KCNIP4: variants seen among roughly 807,000 people sequenced by gnomAD.
KCNIP4 encodes the protein Kv channel-interacting protein 4.
In KCNIP4, 12 loss-of-function variants were observed where a neutral mutation model predicts 34.0. That is an observed-to-expected ratio of 0.35 (90% CI 0.23 to 0.57). KCNIP4 has a LOEUF of 0.57. KCNIP4 is among the 20% of genes least tolerant of loss of function. KCNIP4 has a pLI of 0.83. For synonymous variants in KCNIP4, 124 were observed against 102.2 expected (o/e 1.21, Z -1.29); for missense variants, 238 against 311.7 (o/e 0.76, Z 1.78).
chr4:21,106,513 A>G (rs570299241), intron 1 of KCNIP4, among the ~76,000 whole-genome samples: 101 of 151,426 alleles, frequency 6.7e-4, no homozygotes, highest in Non-Finnish European at 1.2e-3. Context: ...TCTTGCTAGC[A>G]GTCTATCAAT....
At chr4:21,418,691 T>C (rs1209382604) in intron 1 of KCNIP4, among the ~76,000 whole-genome samples, 1 of 152,098 alleles carries the variant, frequency 6.6e-6, no homozygotes, top group East Asian at 1.9e-4. Context: ...TGTAAGCAAA[T>C]GTCTTCAGGG....
At chr4:21,926,350 T>C (rs1349802695) in intron 1 of KCNIP4, among the ~76,000 whole-genome samples, 3 of 152,296 alleles carry the variant, frequency 2.0e-5, no homozygotes, top group Middle Eastern at 3.4e-3. Context: ...CTCCCATTAC[T>C]ACAAATTAAA....
chr4:21,674,326 T>C (rs568581505), intron 1 of KCNIP4, among the ~76,000 whole-genome samples: 1 of 152,270 alleles, frequency 6.6e-6, no homozygotes, highest in South Asian at 2.1e-4. Flanking sequence ...GGATCATTGG[T>C]GTGGGCTTTC....
intron 1 of KCNIP4, chr4:21,303,760 T>C (rs1475836785): frequency 2.0e-6 from 3 of 1,485,576 alleles, no homozygotes; most frequent in Non-Finnish European, 2.8e-6. Flanking sequence ...GACATTTTCA[T>C]TGCAAAACAG....
At chr4:20,999,712 A>G (rs1186639757) in intron 1 of KCNIP4, among the ~76,000 whole-genome samples, 1 of 152,144 alleles carries the variant, frequency 6.6e-6, no homozygotes, top group Non-Finnish European at 1.5e-5. Flanking sequence ...GATGAAATCT[A>G]TAGATATTGA....
At chr4:21,937,150 G>A (rs1218246043) in intron 1 of KCNIP4, among the ~76,000 whole-genome samples, 4 of 152,020 alleles carry the variant, frequency 2.6e-5, no homozygotes, top group Non-Finnish European at 5.9e-5. Context: ...TCTCTGAAAT[G>A]GATTAAATTT....
At chr4:21,157,964 C>T (rs537280988) in intron 1 of KCNIP4, among the ~76,000 whole-genome samples, 1 of 151,366 alleles carries the variant, frequency 6.6e-6, no homozygotes, top group South Asian at 2.1e-4. Context: ...AGAGAAAATA[C>T]AAATTATCAG....
At chr4:21,129,427 G>C (rs1750891869) in intron 1 of KCNIP4, among the ~76,000 whole-genome samples, 1 of 152,174 alleles carries the variant, frequency 6.6e-6, no homozygotes, top group African/African-American at 2.4e-5. Flanking sequence ...AGAAGGATTG[G>C]ATGACCTTCT....
At chr4:21,340,295 T>C (rs1475750681) in intron 1 of KCNIP4, among the ~76,000 whole-genome samples, 1 of 152,158 alleles carries the variant, frequency 6.6e-6, no homozygotes, top group African/African-American at 2.4e-5. Context: ...TTCAAATGAA[T>C]TCCTACTCAA....
intron 1 of KCNIP4, among the ~76,000 whole-genome samples, chr4:21,461,048 C>T (rs1258039495): frequency 2.0e-5 from 3 of 152,052 alleles, no homozygotes; most frequent in Admixed American, 6.6e-5. Context: ...TGTGTCTGCA[C>T]CCAAATCTCA....
chr4:21,531,706 T>C (rs942858251), intron 1 of KCNIP4, among the ~76,000 whole-genome samples: 1 of 152,038 alleles, frequency 6.6e-6, no homozygotes, highest in Non-Finnish European at 1.5e-5. Context: ...ACTTGTTATT[T>C]ACTATAATGT....
intron 1 of KCNIP4, among the ~76,000 whole-genome samples, chr4:21,671,584 T>C (rs753701498): frequency 7.2e-5 from 11 of 152,198 alleles, no homozygotes; most frequent in Non-Finnish European, 1.2e-4. Flanking sequence ...GTCATCAGAA[T>C]CCAGTTTTTC....
At chr4:21,927,447 A>G (rs535454950) in intron 1 of KCNIP4, among the ~76,000 whole-genome samples, 20 of 152,076 alleles carry the variant, frequency 1.3e-4, no homozygotes, top group Non-Finnish European at 2.5e-4. Flanking sequence ...GAAAAGCAAT[A>G]CTCAGTAACT....
In KCNIP4 at chr4:21,118,357, C is replaced by T. The variant is rs564045380; in HGVS notation, c.62-235648G>A. On this transcript the variant is annotated intron_variant, in intron 1 of 8. Transcript: ENST00000382152. ...AGCGTCCCTGACTTTTGCCTTGCTT[C>T]CAACTCAGGATCAACCAAAGAAAAT... Among the ~76,000 whole-genome samples, 7 of 152,266 alleles carry T rather than the reference C, an allele frequency of 4.6e-5. 1 individual carries two copies. The South Asian group carries it at 1.5e-3, about 32-fold the overall frequency.
chr4:21,355,129 T>A (rs1412425090), intron 1 of KCNIP4, among the ~76,000 whole-genome samples: 2 of 152,204 alleles, frequency 1.3e-5, no homozygotes, highest in East Asian at 3.9e-4. Context: ...ATGTACCAGA[T>A]TCTCTGGAAC....
At chr4:21,667,356 A>C (rs2109001007) in intron 1 of KCNIP4, among the ~76,000 whole-genome samples, 1 of 152,328 alleles carries the variant, frequency 6.6e-6, no homozygotes, top group African/African-American at 2.4e-5. Context: ...TGTACTGAAA[A>C]TCTCTCACAT....
At chr4:21,070,043 C>G (rs541141485) in intron 1 of KCNIP4, among the ~76,000 whole-genome samples, 2 of 152,258 alleles carry the variant, frequency 1.3e-5, no homozygotes, top group South Asian at 4.2e-4. Flanking sequence ...GGATCCAACT[C>G]GATAATTTTA....
At chr4:20,989,143 A>G (rs75337495) in intron 1 of KCNIP4, among the ~76,000 whole-genome samples, 2,410 of 152,292 alleles carry the variant, frequency 0.016, 29 homozygotes, top group Non-Finnish European at 0.024. Context: ...TCTCACATGT[A>G]TATGTGCTCT....
At chr4:21,275,044 G>T (rs1762361300) in intron 1 of KCNIP4, among the ~76,000 whole-genome samples, 1 of 152,076 alleles carries the variant, frequency 6.6e-6, no homozygotes, top group African/African-American at 2.4e-5. Flanking sequence ...TCTGGGCCCT[G>T]GTGTTAATAT....
Sources: allele counts gnomAD v4.1 joint callset (sites outside exome capture counted in the v4.1 genomes callset), GRCh38; gene constraint gnomAD v4.1.1; transcripts MANE v1.5; gene names NCBI Gene and HGNC (gene_info 2026-07-23, HGNC 2026-07-21).